Variants in EPCIP observed in about 807,000 individuals in gnomAD.
EPCIP encodes the protein exosomal polycystin-1-interacting protein.
chr21:32,799,602 A>G, the EPCIP span, among the ~76,000 whole-genome samples: 1 of 151,950 alleles, frequency 6.6e-6, no homozygotes, highest in Non-Finnish European at 1.5e-5. Context: ...GCCTTTCACA[A>G]TTTTCTTCTC....
At chr21:32,812,111 A>G in the EPCIP span, among the ~76,000 whole-genome samples, 1 of 152,238 alleles carries the variant, frequency 6.6e-6, no homozygotes, top group African/African-American at 2.4e-5. Flanking sequence ...ATGTGGGACA[A>G]AGAATTCTCA....
the EPCIP span, among the ~76,000 whole-genome samples, chr21:32,811,638 T>G: frequency 8.5e-5 from 13 of 152,332 alleles, no homozygotes; most frequent in Middle Eastern, 0.01. Context: ...ATTCTATTAC[T>G]AGATGCTGTA....
chr21:32,813,493 A>G, the EPCIP span: 87 of 435,182 alleles, frequency 2.0e-4, no homozygotes, highest in African/African-American at 1.7e-3. Context: ...GGTTCTTCCA[A>G]CCGTCACAGT....
At chr21:32,798,532 C>T in the EPCIP span, 1 of 152,242 alleles carries the variant, frequency 6.6e-6, no homozygotes, top group Non-Finnish European at 1.5e-5. Context: ...AACTTCCTCC[C>T]CTAGTTTCTC....
chr21:32,806,082 C>T, the EPCIP span, among the ~76,000 whole-genome samples: 3 of 152,024 alleles, frequency 2.0e-5, no homozygotes, highest in African/African-American at 7.2e-5. Flanking sequence ...CAAACGTATG[C>T]CTGAGGCTGA....
At chr21:32,812,877 C>G in the EPCIP span, among the ~76,000 whole-genome samples, 8 of 152,086 alleles carry the variant, frequency 5.3e-5, no homozygotes, top group Non-Finnish European at 1.2e-4. Flanking sequence ...AAAACATTCC[C>G]CTCTTCATCT....
chr21:32,809,701 G>A, the EPCIP span, among the ~76,000 whole-genome samples: 4 of 151,870 alleles, frequency 2.6e-5, no homozygotes, highest in Non-Finnish European at 4.4e-5. Flanking sequence ...GACCCCATTC[G>A]CCTCATGCTG....
At chr21:32,795,977 C>T in the EPCIP span, among the ~76,000 whole-genome samples, 1 of 141,590 alleles carries the variant, frequency 7.1e-6, no homozygotes, top group Non-Finnish European at 1.5e-5. Flanking sequence ...TCCTTCTTTC[C>T]TTCCTTCCCT....
the EPCIP span, among the ~76,000 whole-genome samples, chr21:32,801,419 G>A: frequency 6.6e-6 from 1 of 152,226 alleles, no homozygotes; most frequent in Admixed American, 6.5e-5. Flanking sequence ...TCATGGGGAA[G>A]CAAAAATGAA....
At chr21:32,809,280 CTTTCTTT>C in the EPCIP span, among the ~76,000 whole-genome samples, 18 of 78,904 alleles carry the variant, frequency 2.3e-4, 2 homozygotes, top group South Asian at 2.0e-3. Flanking sequence ...TCCCTCCTTC[CTTTCTTT>C]CTTTCTTTCT....
chr21:32,809,299 T>C, the EPCIP span, among the ~76,000 whole-genome samples: 23 of 134,368 alleles, frequency 1.7e-4, no homozygotes, highest in African/African-American at 6.1e-4. Context: ...TTTCTTTCTT[T>C]CTTTCTTTCT....
the EPCIP span, chr21:32,813,650 C>T: frequency 7.9e-5 from 37 of 471,124 alleles, no homozygotes; most frequent in Non-Finnish European, 1.4e-4. Context: ...TGCCTGGCCA[C>T]GGATCCTTCA....
the EPCIP span, among the ~76,000 whole-genome samples, chr21:32,811,274 G>C: frequency 6.6e-6 from 1 of 152,030 alleles, no homozygotes; most frequent in African/African-American, 2.4e-5. Context: ...GGCATTATAG[G>C]TGTTGCACCA....
the EPCIP span, chr21:32,796,813 C>T: frequency 5.7e-6 from 2 of 348,330 alleles, no homozygotes; most frequent in African/African-American, 4.3e-5. Flanking sequence ...ACCCTGTTAT[C>T]CCAGAACCAG....
chr21:32,801,704 G>A, the EPCIP span, among the ~76,000 whole-genome samples: 1 of 152,136 alleles, frequency 6.6e-6, no homozygotes, highest in African/African-American at 2.4e-5. Context: ...TTAGCTGGGC[G>A]TGGTGGTGGG....
At chr21:32,805,030 A>G in the EPCIP span, among the ~76,000 whole-genome samples, 5 of 152,204 alleles carry the variant, frequency 3.3e-5, no homozygotes, top group Admixed American at 6.5e-5. Flanking sequence ...TAAGGCCTCT[A>G]CAGATGCTAT....
At chr21:32,809,426 C>T in the EPCIP span, among the ~76,000 whole-genome samples, 1 of 150,764 alleles carries the variant, frequency 6.6e-6, no homozygotes, top group Non-Finnish European at 1.5e-5. Context: ...CTCTGTCACC[C>T]AGGCTGGAGT....
chr21:32,797,941 C>A, the EPCIP span: 2 of 152,158 alleles, frequency 1.3e-5, no homozygotes, highest in African/African-American at 4.8e-5. Flanking sequence ...AAGATCACTC[C>A]TTCTGGGGAC....
the EPCIP span, chr21:32,794,385 T>C: frequency 6.2e-7 from 1 of 1,614,214 alleles, no homozygotes. Flanking sequence ...CCCAGAGTGC[T>C]GATCAGAAGA....
Sources: gnomAD v4.1 joint callset for allele counts (sites outside exome capture counted in the v4.1 genomes callset) on GRCh38, gnomAD v4.1.1 for gene constraint, MANE v1.5 for transcripts, NCBI Gene and HGNC (gene_info 2026-07-23, HGNC 2026-07-21) for gene names.